The following RAF1 variants were observed in gnomAD, a reference collection of about 807,000 sequenced individuals.
RAF1 encodes RAF proto-oncogene serine/threonine-protein kinase.
In RAF1, 27 loss-of-function variants were observed where a neutral mutation model predicts 81.1. That is an observed-to-expected ratio of 0.33 (90% confidence interval 0.25 to 0.46). The LOEUF is 0.46. Among genes scored for constraint, RAF1 ranks in the 20% least tolerant of loss-of-function variants. The pLI is 1.00. For synonymous variants in RAF1, 298 were observed against 294.0 expected, an observed-to-expected ratio of 1.01 and a Z score of -0.14; for missense variants, 598 against 826.0, an observed-to-expected ratio of 0.72 and a Z score of 3.38.
rs1290868392 is a variant in RAF1, at chr3:12,614,525, C to G, written c.208-2463G>C. Among the ~76,000 whole-genome samples, 3 of 151,962 alleles carry G rather than the reference C, an allele frequency of 2.0e-5. No individual in the cohort carries two copies. In the East Asian group the frequency reaches 5.8e-4, roughly 29 times the overall value. ...ATGACACATGTACCCTTTACCACCC[C>G]AGTTTAAGTGATCCCCCTGCCTCAG... On this transcript the variant is annotated intron_variant, in intron 2 of 17. Coordinates refer to ENST00000442415, the MANE Select transcript of RAF1 (RefSeq NM_001354689.3).
intron 11 of RAF1, among the ~76,000 whole-genome samples, chr3:12,592,646 A>G (rs775771852): frequency 2.6e-4 from 40 of 152,128 alleles, no homozygotes; most frequent in Non-Finnish European, 4.6e-4. Context: ...CTGATTGTCA[A>G]GCACTGTAAA....
At chr3:12,585,456 C>T (rs1253636917) in intron 15 of RAF1, 1 of 984,444 alleles carries the variant, frequency 1.0e-6, no homozygotes. Flanking sequence ...CAAGACCCAG[C>T]ATTTCTGTCA....
intron 3 of RAF1, 104 bp from the exon 4 acceptor site, chr3:12,609,439 T>G (rs1288013626): frequency 1.6e-5 from 12 of 752,074 alleles, no homozygotes; most frequent in Non-Finnish European, 2.4e-5. Flanking sequence ...CACAACTTTA[T>G]TTAATCCATA....
At chr3:12,652,212 T>C (rs954526812) in intron 1 of RAF1, among the ~76,000 whole-genome samples, 2 of 150,136 alleles carry the variant, frequency 1.3e-5, no homozygotes, top group Non-Finnish European at 3.0e-5. Context: ...CAAGACTCCA[T>C]CTCAAAAAAA....
At chr3:12,587,837 C>CATTTTTT in intron 13 of RAF1, 200 bp from the exon 13 acceptor site, 2 of 193,314 alleles carry the variant, frequency 1.0e-5, no homozygotes, top group Non-Finnish European at 1.0e-5. Context: ...ATGCTTACAC[C>CATTTTTT]TTTTTTTTTT....
chr3:12,630,746 G>A (rs2059835717), intron 1 of RAF1, among the ~76,000 whole-genome samples: 1 of 152,170 alleles, frequency 6.6e-6, no homozygotes, highest in Non-Finnish European at 1.5e-5. Flanking sequence ...TTTACTGAGT[G>A]AAGTGGGAAG....
chr3:12,591,773 G>A lies in RAF1; in HGVS notation c.1188C>T (p.Ile396=), dbSNP rs1371588524. 6.2e-7 allele frequency: 1 copy of A among 1,614,024 alleles called. No homozygotes were observed. Among genetic ancestry groups the A allele is most frequent in the Non-Finnish European group, 8.5e-7 (1 of 1,179,896 alleles). The change falls in exon 12 of 18, where the codon ATC becomes ATT. Residue 396 remains isoleucine (I), a synonymous_variant. Transcript: ENST00000442415. ...CTGGGGTTGGGTCGACAACCTTTAG[G>A]ATCTTTACTGCAACATCTCCTGCAA...
rs867496493 is a variant in RAF1, at chr3:12,628,959, C to T, written c.-26-10212G>A. ...AGAGATAGGGTTTTACCATGTTGGC[C>T]AGGCTGGTCTCAAACTCCTGACCTC... On this transcript the variant is annotated intron_variant, in intron 1 of 17. Transcript: ENST00000442415. 6.2e-4 allele frequency among the ~76,000 whole-genome samples: 94 copies of T among 152,236 alleles called. No homozygotes were observed. In the Middle Eastern group the frequency reaches 0.017, roughly 28 times the overall value.
At chr3:12,600,477 A>C (rs1184890406) in intron 8 of RAF1, 62 bp from the exon 8 acceptor site, 1 of 1,569,632 alleles carries the variant, frequency 6.4e-7, no homozygotes, top group Non-Finnish European at 8.8e-7. Flanking sequence ...TGGGGGAGGG[A>C]AAAAAGAGGA....
chr3:12,652,207 C>T (rs1171709277), intron 1 of RAF1, among the ~76,000 whole-genome samples: 1 of 150,922 alleles, frequency 6.6e-6, no homozygotes, highest in Non-Finnish European at 1.5e-5. Flanking sequence ...CAGAGCAAGA[C>T]TCCATCTCAA....
chr3:12,585,656 T>C, intron 15 of RAF1, 25 bp downstream of exon 14: 1 of 1,554,470 alleles, frequency 6.4e-7, no homozygotes, highest in East Asian at 2.2e-5. Context: ...TACCAGAGAC[T>C]GCTGGTGGGA....
chr3:12,661,255 G>T (rs1249365618), intron 1 of RAF1, among the ~76,000 whole-genome samples: 1 of 152,094 alleles, frequency 6.6e-6, no homozygotes, highest in East Asian at 1.9e-4. Context: ...TGGGGATAAA[G>T]ATTTTATAAC....
chr3:12,647,306 A>AG (rs1411229077), intron 1 of RAF1, among the ~76,000 whole-genome samples: 1 of 151,146 alleles, frequency 6.6e-6, no homozygotes, highest in Non-Finnish European at 1.5e-5. Context: ...AAAAAAAAAA[A>AG]AAAAGAAATT....
chr3:12,605,168 T>C (rs990235725), intron 6 of RAF1, among the ~76,000 whole-genome samples: 3 of 152,192 alleles, frequency 2.0e-5, no homozygotes, highest in Admixed American at 2.0e-4. Context: ...TATCCAGATA[T>C]ATGCAAATTC....
chr3:12,605,982 G>A (rs1454858703), intron 6 of RAF1, among the ~76,000 whole-genome samples: 2 of 152,246 alleles, frequency 1.3e-5, no homozygotes. Flanking sequence ...AACAGAAGAA[G>A]CTACAGTCAA....
chr3:12,584,466 C>T lies in RAF1; in HGVS notation c.*48G>A, dbSNP rs1271381857. 1.9e-6 allele frequency: 3 copies of T among 1,612,840 alleles called. No individual in the cohort carries two copies. In the Admixed American group the frequency reaches 5.0e-5, roughly 27 times the overall value. On this transcript the variant is annotated 3_prime_UTR_variant, in exon 18 of 18. Coordinates refer to ENST00000442415, the MANE Select transcript of RAF1 (RefSeq NM_001354689.3). ...AAAGGGAGCAGAAAAGTGGTGCCTG[C>T]TGGCTTCTCCTCCTCCCCTGGCAGC...
intron 14 of RAF1, 27 bp downstream of exon 13, chr3:12,587,564 C>T: frequency 6.3e-7 from 1 of 1,591,722 alleles, no homozygotes; most frequent in Non-Finnish European, 8.6e-7. Flanking sequence ...ACCGAGCAGT[C>T]AAATGAACTC....
chr3:12,612,460 C>T (rs1240178882), intron 2 of RAF1, among the ~76,000 whole-genome samples: 1 of 151,906 alleles, frequency 6.6e-6, no homozygotes, highest in Admixed American at 6.6e-5. Flanking sequence ...ACCAGCCTGG[C>T]CAACATGGTG....
At chr3:12,637,227 G>A (rs527803906) in intron 1 of RAF1, among the ~76,000 whole-genome samples, 2 of 152,180 alleles carry the variant, frequency 1.3e-5, no homozygotes, top group South Asian at 2.1e-4. Flanking sequence ...CTAGGGTATC[G>A]GGTTAACTTC....
Sources: allele counts gnomAD v4.1 joint callset (sites outside exome capture counted in the v4.1 genomes callset), GRCh38; gene constraint gnomAD v4.1.1; transcripts MANE v1.5; gene names NCBI Gene and HGNC (gene_info 2026-07-23, HGNC 2026-07-21).